Variants in VPS13C observed in about 807,000 individuals in gnomAD.
VPS13C encodes the protein intermembrane lipid transfer protein VPS13C.
A neutral mutation model predicts 456.8 loss-of-function variants in VPS13C; 358 were observed. The ratio of observed to expected loss-of-function variants is 0.78; its 90% confidence interval spans 0.72 to 0.86. The LOEUF is 0.86. Ranked by LOEUF, VPS13C falls within the 40% of genes least tolerant of loss-of-function variation. The pLI is 0.00. For synonymous variants in VPS13C, 1,578 were observed against 1,486.7 expected, an observed-to-expected ratio of 1.06 and a Z score of -1.41; for missense variants, 4,818 against 4,385.4, an observed-to-expected ratio of 1.10 and a Z score of -2.79.
Position 62,056,471 on chromosome 15 carries a change from G to A in VPS13C, c.100+3804C>T, listed in dbSNP as rs540948905. On this transcript the variant is annotated intron_variant, in intron 1 of 84. Coordinates refer to ENST00000644861, the MANE Select transcript of VPS13C (RefSeq NM_020821.3). ...AAGGGCTCCTTGGTCTAGCGGTAAC[G>A]CCAGCATCTAGGAAGACGCCCGTTG... Among the ~76,000 whole-genome samples, 30 of 152,324 alleles carry A rather than the reference G, an allele frequency of 2.0e-4. No homozygotes were observed. In the South Asian group the frequency reaches 5.0e-3, roughly 25 times the overall value.
chr15:61,875,027 T>G, intron 76 of VPS13C, 76 bp from the exon 77 acceptor site: 1 of 1,290,810 alleles, frequency 7.7e-7, no homozygotes, highest in South Asian at 1.8e-5. Flanking sequence ...AGTTCAGGGT[T>G]TGCAAGAAGA....
intron 66 of VPS13C, among the ~76,000 whole-genome samples, chr15:61,896,405 G>A (rs527722644): frequency 3.3e-5 from 5 of 152,276 alleles, no homozygotes; most frequent in South Asian, 2.1e-4. Context: ...CATGGTGCGC[G>A]AGCCGAAGCA....
intron 61 of VPS13C, among the ~76,000 whole-genome samples, chr15:61,914,899 A>AC (rs1183809013): frequency 9.0e-6 from 1 of 111,028 alleles, no homozygotes; most frequent in Non-Finnish European, 2.0e-5. Context: ...AAAAAAAAAA[A>AC]AAAAAAAAAA....
At chr15:61,971,989 G>C (rs1286375952) in intron 27 of VPS13C, among the ~76,000 whole-genome samples, 1 of 151,964 alleles carries the variant, frequency 6.6e-6, no homozygotes, top group Non-Finnish European at 1.5e-5. Context: ...ATTTTTTATA[G>C]AAATCTGGAA....
At position 61,954,574 on chromosome 15, in the gene VPS13C, T is replaced by G; in HGVS notation, c.4166-20A>C. The G allele has an allele frequency of 1.9e-6, 3 of 1,565,772 alleles. No individual in the cohort carries two copies. The highest frequency in any genetic ancestry group is 2.6e-6 in the Non-Finnish European group (3 of 1,161,776). On this transcript the variant is annotated intron_variant, in intron 37 of 84. Coordinates refer to ENST00000644861, the MANE Select transcript of VPS13C (RefSeq NM_020821.3). ...TTTCACCTGAAATGTTTAAAAGAAA[T>G]TCATTACTTTTATTCACAAATTTCT...
At chr15:61,909,476 G>C (rs946768086) in intron 64 of VPS13C, among the ~76,000 whole-genome samples, 15 of 152,176 alleles carry the variant, frequency 9.9e-5, no homozygotes, top group Non-Finnish European at 2.1e-4. Flanking sequence ...CAAAGTGCTG[G>C]GATTACAGGC....
At chr15:61,991,144 A>G (rs1479691361) in intron 17 of VPS13C, 50 bp from the exon 18 acceptor site, 2 of 1,390,484 alleles carry the variant, frequency 1.4e-6, no homozygotes, top group Non-Finnish European at 1.0e-6. Flanking sequence ...TTTTACAAAT[A>G]TAACTAAAAA....
intron 67 of VPS13C, among the ~76,000 whole-genome samples, chr15:61,885,947 A>T (rs1896233720): frequency 6.6e-6 from 1 of 152,118 alleles, no homozygotes; most frequent in Non-Finnish European, 1.5e-5. Flanking sequence ...ACTCATCAAG[A>T]GCCAAAGGAA....
chr15:61,956,392 G>A (rs2044999729), intron 37 of VPS13C, among the ~76,000 whole-genome samples: 2 of 152,012 alleles, frequency 1.3e-5, no homozygotes. Context: ...CACTACCTGG[G>A]TAATGGGATC....
Position 61,910,269 on chromosome 15 carries a change from GT to G in VPS13C, c.8751del (p.Lys2917AsnfsTer4). ...LPFWPESLSG[K>X]LCVRVVGCEG... ...TCACAGCCCACCACTCTCACACAAA[GT>G]TTGCCTGACAAACTTTCTGGCCAAA... is the stretch of plus-strand genomic sequence containing the variant. On this transcript the variant is annotated frameshift_variant, in exon 64 of 85. Transcript: ENST00000644861. LOFTEE classifies it high-confidence loss of function. 1 of 1,527,984 alleles carries G rather than the reference GT, an allele frequency of 6.5e-7. No homozygotes were observed. The allele number at this position is 1,527,984 out of a possible 1,614,324, so 94.7% of individuals were successfully genotyped here.
At chr15:61,865,746 G>T in intron 81 of VPS13C, 1 of 584,232 alleles carries the variant, frequency 1.7e-6, no homozygotes, top group Non-Finnish European at 2.2e-6. Context: ...ATGTATATCT[G>T]TATGTGTACA....
chr15:62,020,155 T>C (rs765930005), intron 9 of VPS13C, among the ~76,000 whole-genome samples: 2 of 151,840 alleles, frequency 1.3e-5, no homozygotes, highest in African/African-American at 2.4e-5. Flanking sequence ...AAATTCCATC[T>C]ACCTATACCG....
chr15:61,967,926 T>A (rs1044259708), intron 28 of VPS13C, among the ~76,000 whole-genome samples: 1 of 152,054 alleles, frequency 6.6e-6, no homozygotes, highest in African/African-American at 2.4e-5. Context: ...GAAGGAGAAG[T>A]AATTTGTCCA....
In VPS13C at chr15:61,867,492, G is replaced by A; in HGVS notation, c.10863+1167C>T. On this transcript the variant is annotated intron_variant, in intron 81 of 84. Coordinates refer to ENST00000644861, the MANE Select transcript of VPS13C (RefSeq NM_020821.3). The surrounding 1 kb of genome is among the most constrained non-coding windows in gnomAD (Gnocchi z 5.0). ...AACTTAAGCAAATTTAGAGCCATTTGTGAAACAGAAAGCTATGTAATTCCA... is the reference window on the plus strand; with the variant it reads ...AACTTAAGCAAATTTAGAGCCATTTATGAAACAGAAAGCTATGTAATTCCA... 7.1e-6 allele frequency: 7 copies of A among 988,514 alleles called. No individual in the cohort carries two copies. Among genetic ancestry groups the A allele is most frequent in the Non-Finnish European group, 8.4e-6 (7 of 832,290 alleles). The allele number at this position is 988,514 out of a possible 1,614,324, so 61.2% of individuals were successfully genotyped here. A position where few individuals can be genotyped will look rare whatever the true frequency, so the allele number is the denominator to read the frequency against.
In VPS13C at chr15:61,931,264, G is replaced by A. The variant is rs373155944; in HGVS notation, c.5869-5C>T. 7 of 1,603,306 alleles carry A rather than the reference G, an allele frequency of 4.4e-6. No individual in the cohort carries two copies. Among genetic ancestry groups the A allele is most frequent in the African/African-American group, 4.0e-5 (3 of 74,272 alleles). On this transcript the variant is annotated splice_polypyrimidine_tract_variant and splice_region_variant and intron_variant, in intron 49 of 84. Coordinates refer to ENST00000644861, the MANE Select transcript of VPS13C (RefSeq NM_020821.3). ...ATGAAATGCAACTCCAGATTCCTAT[G>A]GTACATTTTTCAAGCAAAAGAATCA...
chr15:61,949,378 AAAC>A lies in VPS13C; in HGVS notation c.4759+62_4759+64del, dbSNP rs1379537738. 1.9e-6 allele frequency: 3 copies of A among 1,557,420 alleles called. No homozygotes were observed. In the African/African-American group the frequency reaches 4.2e-5, roughly 22 times the overall value. ...GCTAAATATTCATCTTAACTGAAAA[AAAC>A]AAGTTGTTATATGATTATTAAAGTT... On this transcript the variant is annotated intron_variant, in intron 42 of 84. Coordinates refer to ENST00000644861, the MANE Select transcript of VPS13C (RefSeq NM_020821.3).
rs536834452 is a variant in VPS13C, at chr15:61,940,292, G to A, written c.5601+355C>T. On this transcript the variant is annotated intron_variant, in intron 47 of 84. Transcript: ENST00000644861. Reference sequence around the variant, plus strand: ...CTTTAACAGAATTTTCCAAAATTAAGAATAATATTTTTAGTACACTCCAAC... The same window carrying A: ...CTTTAACAGAATTTTCCAAAATTAAAAATAATATTTTTAGTACACTCCAAC... Among the ~76,000 whole-genome samples the A allele has an allele frequency of 4.3e-4, 65 of 152,272 alleles. 3 individuals are homozygous for A. The South Asian group carries it at 0.013, about 31-fold the overall frequency.
chr15:61,909,410 TA>T (rs2043237835), intron 64 of VPS13C, among the ~76,000 whole-genome samples: 1 of 152,196 alleles, frequency 6.6e-6, no homozygotes, highest in South Asian at 2.1e-4. Flanking sequence ...GGTTTCACCA[TA>T]TTGGCCAGGC....
intron 53 of VPS13C, among the ~76,000 whole-genome samples, chr15:61,924,720 T>C (rs546164531): frequency 6.6e-6 from 1 of 152,324 alleles, no homozygotes; most frequent in East Asian, 1.9e-4. Flanking sequence ...ATTTACATGG[T>C]ACTTCAAATG....
Sources: allele counts gnomAD v4.1 joint callset (sites outside exome capture counted in the v4.1 genomes callset), GRCh38; gene constraint gnomAD v4.1.1; non-coding constraint Gnocchi (gnomAD v3.1); transcripts MANE v1.5; gene names NCBI Gene and HGNC (gene_info 2026-07-23, HGNC 2026-07-21).